BCL2L11: variants seen among roughly 807,000 people sequenced by gnomAD.
BCL2L11 encodes the protein bcl-2-like protein 11.
Under a neutral mutation model 20.6 loss-of-function variants are expected in BCL2L11, and 15 were observed. That is an observed-to-expected ratio of 0.73 (90% CI 0.49 to 1.12). BCL2L11 has a LOEUF of 1.12. Ranked by LOEUF, BCL2L11 falls within the 50% of genes most tolerant of loss-of-function variation. The pLI is 0.00. For missense variants in BCL2L11, 292 were observed against 260.9 expected, an observed-to-expected ratio of 1.12 and a Z score of -0.82; for synonymous variants, 108 against 92.8, an observed-to-expected ratio of 1.16 and a Z score of -0.94.
chr2:111,161,355 G>T, intron 3 of BCL2L11: 1 of 1,527,160 alleles, frequency 6.5e-7, no homozygotes. Flanking sequence ...AGGAAAGACA[G>T]TCTGTCTTTT....
intron 2 of BCL2L11, among the ~76,000 whole-genome samples, chr2:111,148,923 C>T (rs2076909459): frequency 6.6e-6 from 1 of 152,168 alleles, no homozygotes; most frequent in Admixed American, 6.5e-5. Flanking sequence ...TGGCCTTTTA[C>T]AAAAATAAAG....
In BCL2L11 at chr2:111,166,646, A is replaced by G. The variant is rs1194663583; in HGVS notation, c.*2415A>G. The G allele has an allele frequency of 2.6e-5, 4 of 152,596 alleles. No homozygotes were observed. The highest frequency in any genetic ancestry group is 6.5e-5 in the Admixed American group (1 of 15,270). The allele number at this position is 152,596 out of a possible 1,614,324, so 9.5% of individuals were successfully genotyped here. On this transcript the variant is annotated 3_prime_UTR_variant, in exon 4 of 4. Coordinates refer to ENST00000393256, the MANE Select transcript of BCL2L11 (RefSeq NM_138621.5). ...TTTTGTGCCTTGACAACCTCTCCCT[A>G]TGTGAGGTTTGTAAAAAGTGTCCTG...
chr2:111,143,385 T>C (rs1243994871), intron 2 of BCL2L11, among the ~76,000 whole-genome samples: 2 of 152,114 alleles, frequency 1.3e-5, no homozygotes, highest in African/African-American at 4.8e-5. Flanking sequence ...GGGGATGTCA[T>C]ACAAGGCACA....
intron 2 of BCL2L11, among the ~76,000 whole-genome samples, chr2:111,141,821 C>A (rs1445933682): frequency 2.0e-5 from 3 of 151,896 alleles, no homozygotes; most frequent in Non-Finnish European, 4.4e-5. Flanking sequence ...GCCTCAGCCT[C>A]CTGAGTAGCT....
At chr2:111,151,050 G>A (rs568593466) in intron 3 of BCL2L11, among the ~76,000 whole-genome samples, 4 of 152,172 alleles carry the variant, frequency 2.6e-5, no homozygotes, top group South Asian at 4.1e-4. Flanking sequence ...GATTACAGGC[G>A]CCTGCAACCA....
chr2:111,154,216 T>A (rs1478347477), intron 3 of BCL2L11, among the ~76,000 whole-genome samples: 4 of 152,210 alleles, frequency 2.6e-5, no homozygotes, highest in African/African-American at 9.6e-5. Flanking sequence ...CTTCAGTGTA[T>A]ATTTCCCAAA....
At chr2:111,131,214 G>T (rs1233913576) in intron 2 of BCL2L11, 5 of 143,826 alleles carry the variant, frequency 3.5e-5, no homozygotes, top group Non-Finnish European at 7.7e-5. Context: ...TTTTTTTGGC[G>T]GGGGATGGGG....
In BCL2L11 at chr2:111,142,222, C is replaced by T. The variant is rs183513019; in HGVS notation, c.395-7822C>T. The T allele has an allele frequency of 1.1e-4, 122 of 1,076,192 alleles. No homozygotes were observed. The Admixed American group carries it at 2.4e-3, about 21-fold the overall frequency. The allele number at this position is 1,076,192 out of a possible 1,614,324, so 66.7% of individuals were successfully genotyped here. ...TGCACTTGTGCTAATGAAGACTCTA[C>T]CTCCTGTTCTTTTCCTTCTGTGACA... On this transcript the variant is annotated intron_variant, in intron 2 of 3. Coordinates refer to ENST00000393256, the MANE Select transcript of BCL2L11 (RefSeq NM_138621.5).
At chr2:111,126,194 T>C (rs2072563041) in intron 2 of BCL2L11, among the ~76,000 whole-genome samples, 1 of 152,204 alleles carries the variant, frequency 6.6e-6, no homozygotes, top group South Asian at 2.1e-4. Flanking sequence ...ATAGTGTATT[T>C]TTTAATGTAA....
chr2:111,132,322 T>G (rs532593629), intron 2 of BCL2L11: 21 of 152,272 alleles, frequency 1.4e-4, no homozygotes, highest in African/African-American at 5.1e-4. Flanking sequence ...AAAAAGAACA[T>G]GAAGAAAATT....
At chr2:111,131,801 G>C (rs2074005342) in intron 2 of BCL2L11, 1 of 152,106 alleles carries the variant, frequency 6.6e-6, no homozygotes, top group African/African-American at 2.4e-5. Context: ...TCCAGACCCA[G>C]GGCTTATGAG....
chr2:111,151,345 A>G (rs985449215), intron 3 of BCL2L11, among the ~76,000 whole-genome samples: 17 of 152,248 alleles, frequency 1.1e-4, no homozygotes, highest in African/African-American at 3.1e-4. Flanking sequence ...TAAACACCTC[A>G]TATAAAGGTA....
intron 3 of BCL2L11, among the ~76,000 whole-genome samples, chr2:111,154,708 A>G (rs999794753): frequency 6.6e-6 from 1 of 152,238 alleles, no homozygotes; most frequent in Non-Finnish European, 1.5e-5. Context: ...GATCTTCCAC[A>G]GTCTTCCACT....
intron 2 of BCL2L11, chr2:111,142,392 G>C: frequency 3.2e-6 from 5 of 1,550,030 alleles, no homozygotes; most frequent in Non-Finnish European, 4.4e-6. Flanking sequence ...CAAAATCAAG[G>C]TGAAAAGTTT....
At position 111,123,940 on chromosome 2, in the gene BCL2L11, C is replaced by G. The variant is rs1485692918; in HGVS notation, c.195C>G (p.Ala65=). The G allele has an allele frequency of 6.2e-7, 1 of 1,614,016 alleles. No homozygotes were observed. The highest frequency in any genetic ancestry group is 8.5e-7 in the Non-Finnish European group (1 of 1,179,984). ...ACGGCAGCCCTCAGGGCCCGCTGGC[C>G]CCACCTGCCAGCCCTGGCCCTTTTG... ...CPHGSPQGPL[A]PPASPGPFAT... is the part of the protein sequence containing the mutation. Residue 65 remains alanine, a synonymous_variant, in exon 2 of 4, where the codon GCC becomes GCG. Transcript: ENST00000393256.
At chr2:111,146,143 C>T in intron 2 of BCL2L11, 18 of 985,120 alleles carry the variant, frequency 1.8e-5, no homozygotes, top group Non-Finnish European at 2.2e-5. Context: ...AATGCTGAAA[C>T]TACATTTTCT....
intron 2 of BCL2L11, among the ~76,000 whole-genome samples, chr2:111,148,244 A>G (rs1034843741): frequency 6.6e-6 from 1 of 152,186 alleles, no homozygotes; most frequent in Admixed American, 6.5e-5. Flanking sequence ...TCACTTGTGC[A>G]TATGGGTAGG....
chr2:111,124,650 A>G (rs1322918788), intron 2 of BCL2L11, among the ~76,000 whole-genome samples: 1 of 152,234 alleles, frequency 6.6e-6, no homozygotes, highest in African/African-American at 2.4e-5. Flanking sequence ...AGGTCCAAAC[A>G]TTAGCTTTCA....
chr2:111,129,369 G>A (rs1163586720), intron 2 of BCL2L11, among the ~76,000 whole-genome samples: 1 of 152,090 alleles, frequency 6.6e-6, no homozygotes, highest in African/African-American at 2.4e-5. Flanking sequence ...AGAAGAGAAA[G>A]ATATTTTTCT....
Sources: gnomAD v4.1 joint callset for allele counts (sites outside exome capture counted in the v4.1 genomes callset) on GRCh38, gnomAD v4.1.1 for gene constraint, MANE v1.5 for transcripts, NCBI Gene and HGNC (gene_info 2026-07-23, HGNC 2026-07-21) for gene names.